WDR11: variants seen among roughly 807,000 people sequenced by gnomAD.
WDR11 encodes the protein WD repeat domain 11.
In WDR11, 83 loss-of-function variants were observed where a neutral mutation model predicts 151.2. The ratio of observed to expected loss-of-function variants is 0.55; its 90% confidence interval spans 0.46 to 0.66. WDR11 has a LOEUF of 0.66. Among genes scored for constraint, WDR11 ranks in the 30% least tolerant of loss-of-function variants. The pLI is 0.00. For synonymous variants in WDR11, 484 were observed against 533.1 expected, an observed-to-expected ratio of 0.91 and a Z score of 1.27; for missense variants, 1,301 against 1,480.9, an observed-to-expected ratio of 0.88 and a Z score of 1.99.
intron 16 of WDR11, among the ~76,000 whole-genome samples, chr10:120,887,247 A>AT (rs1407572994): frequency 2.0e-5 from 3 of 152,132 alleles, no homozygotes; most frequent in Non-Finnish European, 4.4e-5. Flanking sequence ...ATCTAGTATT[A>AT]TTTTTGGATA....
intron 7 of WDR11, among the ~76,000 whole-genome samples, 183 bp from the exon 8 acceptor site, chr10:120,866,386 A>G (rs1437660440): frequency 6.6e-6 from 1 of 152,190 alleles, no homozygotes; most frequent in Admixed American, 6.5e-5. Context: ...AACTTAGTAC[A>G]GTCATTAAGT....
chr10:120,878,543 C>CAA, intron 12 of WDR11, 84 bp downstream of exon 12: 1 of 1,150,954 alleles, frequency 8.7e-7, no homozygotes, highest in Non-Finnish European at 1.3e-6. Context: ...GTACTTCTTT[C>CAA]ACCTTGGAAT....
intron 3 of WDR11, among the ~76,000 whole-genome samples, chr10:120,859,205 T>C (rs1255159588): frequency 6.6e-6 from 1 of 151,974 alleles, no homozygotes; most frequent in Non-Finnish European, 1.5e-5. Context: ...CTCATTTTCA[T>C]ATAGATTGCT....
chr10:120,859,324 G>A (rs1196210573), intron 3 of WDR11, among the ~76,000 whole-genome samples: 1 of 145,978 alleles, frequency 6.9e-6, no homozygotes, highest in Non-Finnish European at 1.5e-5. Context: ...CTGGAGTACA[G>A]TGGCGCTATC....
intron 19 of WDR11, among the ~76,000 whole-genome samples, chr10:120,891,303 C>G (rs1280611423): frequency 6.6e-5 from 10 of 152,102 alleles, no homozygotes; most frequent in African/African-American, 2.4e-4. Flanking sequence ...AGAAAGTGTT[C>G]TGAGTATTAT....
chr10:120,881,239 G>C (rs1846996277), intron 13 of WDR11, among the ~76,000 whole-genome samples: 2 of 152,120 alleles, frequency 1.3e-5, no homozygotes, highest in African/African-American at 4.8e-5. Flanking sequence ...TCCAGAAATT[G>C]AGTTTTTTTG....
chr10:120,858,611 T>C, intron 2 of WDR11, 32 bp from the exon 3 acceptor site: 5 of 1,613,944 alleles, frequency 3.1e-6, no homozygotes, highest in Non-Finnish European at 4.2e-6. Flanking sequence ...CCAGCGCAAG[T>C]ATTTACTTGA....
At chr10:120,899,532 C>T (rs1312521634) in intron 19 of WDR11, among the ~76,000 whole-genome samples, 1 of 152,074 alleles carries the variant, frequency 6.6e-6, no homozygotes, top group Non-Finnish European at 1.5e-5. Context: ...CCTATAATCC[C>T]AGGACTTTGG....
At chr10:120,880,684 C>A in intron 12 of WDR11, 142 bp from the exon 13 acceptor site, 9 of 751,864 alleles carry the variant, frequency 1.2e-5, no homozygotes, top group African/African-American at 1.8e-5. Context: ...AAAACAGAAA[C>A]AGATTAGAAG....
In WDR11 at chr10:120,902,272, G is replaced by C. The variant is rs748701002; in HGVS notation, c.2703G>C (p.Leu901=). The change falls in exon 22 of 29, where the codon CTG becomes CTC. Residue 901 remains leucine (L), a synonymous_variant. Coordinates refer to ENST00000263461, the MANE Select transcript of WDR11 (RefSeq NM_018117.12). ...TCTTCCACAGTGACATAAAGAAACT[G>C]TTGCTTGATCCAGAATTCACTCTCT... is the stretch of plus-strand genomic sequence containing the variant. ...LNSLSNDIKK[L]LLDPEFTLLQ... 1 of 1,613,982 alleles carries C rather than the reference G, an allele frequency of 6.2e-7. No individual in the cohort carries two copies. Among genetic ancestry groups the C allele is most frequent in the African/African-American group, 1.3e-5 (1 of 74,930 alleles).
chr10:120,865,033 T>A lies in WDR11; in HGVS notation c.714-14T>A. 1 of 1,613,692 alleles carries A rather than the reference T, an allele frequency of 6.2e-7. No homozygotes were observed. Among genetic ancestry groups the A allele is most frequent in the East Asian group, 2.2e-5 (1 of 44,822 alleles). On this transcript the variant is annotated splice_polypyrimidine_tract_variant and intron_variant, in intron 5 of 28. Coordinates refer to ENST00000263461, the MANE Select transcript of WDR11 (RefSeq NM_018117.12). Reference sequence around the variant, plus strand: ...ATGAAGTCTTTGACCCAAGTGAATGTTTACTTTTTTCAGTGCTGAATTCAT... The same window carrying A: ...ATGAAGTCTTTGACCCAAGTGAATGATTACTTTTTTCAGTGCTGAATTCAT...
intron 1 of WDR11, 73 bp from the exon 2 acceptor site, chr10:120,852,447 CATTT>C (rs1845813528): frequency 5.8e-6 from 7 of 1,208,124 alleles, no homozygotes; most frequent in Non-Finnish European, 8.5e-6. Flanking sequence ...TTAGACTTAT[CATTT>C]ATTTAGGCTT....
chr10:120,867,203 T>C (rs772571653), intron 9 of WDR11, 34 bp downstream of exon 9: 2 of 1,520,892 alleles, frequency 1.3e-6, no homozygotes, highest in Admixed American at 1.7e-5. Context: ...CCATGTTAAG[T>C]ATTCTTTCTG....
chr10:120,886,558 G>C lies in WDR11; in HGVS notation c.1974-131G>C, dbSNP rs10788125. The C allele has an allele frequency of 0.19, 218,739 of 1,155,766 alleles. 22,835 individuals are homozygous for C. The highest frequency in any genetic ancestry group is 0.33 in the Admixed American group (13,894 of 42,146). 71.6% of individuals were successfully genotyped at this position (1,155,766 alleles called of 1,614,324 possible). A position where few individuals can be genotyped will look rare whatever the true frequency, so the allele number is the denominator to read the frequency against. On this transcript the variant is annotated intron_variant, in intron 15 of 28. Coordinates refer to ENST00000263461, the MANE Select transcript of WDR11 (RefSeq NM_018117.12). ...CCCATAATTAGCTGGGCAAATATTA[G>C]TTTCAGACTTTTAAAAAAATAGTTT...
In WDR11 at chr10:120,860,258, C is replaced by G; in HGVS notation, c.502C>G (p.Pro168Ala). The G allele has an allele frequency of 6.2e-7, 1 of 1,613,838 alleles. No homozygotes were observed. The highest frequency in any genetic ancestry group is 8.5e-7 in the Non-Finnish European group (1 of 1,180,008). ...ADNILSFSFD[P>A]FDPSHLTLLT... is the part of the protein sequence containing the mutation. The stretch of plus-strand genomic sequence containing the variant: ...TAACATTCTTTCTTTTTCTTTTGAC[C>G]CTTTTGATCCCTCACATTTAACTTG... Residue 168 changes from proline to alanine, a missense_variant, in exon 4 of 29, where the codon CCT becomes GCT. Pro to Ala is a conservative substitution (Grantham distance 27, BLOSUM62 -1). This residue lies in a region of WDR11 where 692 missense variants were observed against 762.5 expected (regional missense o/e 0.91). Coordinates refer to ENST00000263461, the MANE Select transcript of WDR11 (RefSeq NM_018117.12).
At position 120,862,881 on chromosome 10, in the gene WDR11, CT is replaced by C; in HGVS notation, c.674del (p.Leu225GlnfsTer4). The C allele has an allele frequency of 1.2e-6, 2 of 1,613,940 alleles. No homozygotes were observed. Among genetic ancestry groups the C allele is most frequent in the Non-Finnish European group, 1.7e-6 (2 of 1,179,920 alleles). ...LATATGAKKA[L>X]NKVKILITQE... Reference sequence around the variant, plus strand: ...CACAGCCACAGGTGCCAAGAAAGCTCTAAATAAAGTAAAAATTTTAATCACT... The same window carrying C: ...CACAGCCACAGGTGCCAAGAAAGCTCAAATAAAGTAAAAATTTTAATCACT... On this transcript the variant is annotated frameshift_variant, in exon 5 of 29. Transcript: ENST00000263461. LOFTEE classifies it high-confidence loss of function.
Position 120,900,127 on chromosome 10 carries a change from A to G in WDR11, c.2614A>G (p.Ile872Val), listed in dbSNP as rs1211603832. 6.2e-7 allele frequency: 1 copy of G among 1,612,146 alleles called. No homozygotes were observed. Among genetic ancestry groups the G allele is most frequent in the Non-Finnish European group, 8.5e-7 (1 of 1,178,246 alleles). Residue 872 changes from isoleucine to valine, a missense_variant, in exon 20 of 29, where the codon ATT becomes GTT. Physicochemically the swap from Ile to Val is conservative, Grantham distance 29. Transcript: ENST00000263461. The part of the protein sequence containing the change: ...QPWNGQYSLD[I>V]SHVDYPENEE... Reference sequence around the variant, plus strand: ...TTGGAATGGACAGTATTCTTTGGACATTTCTCATGTGTAAGTTTTTCACTT... The same window carrying G: ...TTGGAATGGACAGTATTCTTTGGACGTTTCTCATGTGTAAGTTTTTCACTT...
Position 120,865,845 on chromosome 10 carries a change from C to G in WDR11, c.994+101C>G, listed in dbSNP as rs1846293864. On this transcript the variant is annotated intron_variant, in intron 7 of 28. Transcript: ENST00000263461. Reference sequence around the variant, plus strand: ...CCAAGGTATATAGTTAATGATACTCCTTGCTTTGAGGAAGTTTAAAATATG... The same window carrying G: ...CCAAGGTATATAGTTAATGATACTCGTTGCTTTGAGGAAGTTTAAAATATG... 6.4e-6 allele frequency: 5 copies of G among 781,882 alleles called. No homozygotes were observed. In the Admixed American group the frequency reaches 9.7e-5, roughly 15 times the overall value. 48.4% of individuals were successfully genotyped at this position (781,882 alleles called of 1,614,324 possible). A position where few individuals can be genotyped will look rare whatever the true frequency, so the allele number is the denominator to read the frequency against.
In WDR11 at chr10:120,905,905, T is replaced by C. The variant is rs1409577374; in HGVS notation, c.3321T>C (p.Asp1107=). The change falls in exon 27 of 29, where the codon GAT becomes GAC. Residue 1107 remains aspartate (D), a synonymous_variant. Transcript: ENST00000263461. ...GTTTGAATCCTGAGGAGTGTGCCGA[T>C]GTTTTAAGGCGGTGGGTTGACCACC... The part of the protein sequence containing the change: ...KVRLNPEECA[D]VLRRWVDHLC... 1 of 1,614,202 alleles carries C rather than the reference T, an allele frequency of 6.2e-7. No homozygotes were observed. The highest frequency in any genetic ancestry group is 1.3e-5 in the African/African-American group (1 of 75,046).
Sources: allele counts gnomAD v4.1 joint callset (sites outside exome capture counted in the v4.1 genomes callset), GRCh38; gene constraint gnomAD v4.1.1; regional missense constraint gnomAD v4.1.1; transcripts MANE v1.5; gene names NCBI Gene and HGNC (gene_info 2026-07-23, HGNC 2026-07-21).